The following TESMIN variants were observed in gnomAD, a reference collection of about 807,000 sequenced individuals.
TESMIN encodes the protein testis expressed metallothionein like protein, also known as CXC domain containing 2.
A neutral mutation model predicts 47.4 loss-of-function variants in TESMIN; 34 were observed. That is an observed-to-expected ratio of 0.72 (90% confidence interval 0.55 to 0.96). The LOEUF is 0.96. TESMIN is among the 40% of genes least tolerant of loss of function. The probability of loss-of-function intolerance (pLI) is 0.00; values close to 1 mark genes in which losing one functional copy is unlikely to be tolerated. For synonymous variants in TESMIN, 278 were observed against 258.9 expected, an observed-to-expected ratio of 1.07 and a Z score of -0.71; for missense variants, 610 against 637.2, an observed-to-expected ratio of 0.96 and a Z score of 0.46.
chr11:68,750,691 G>T lies in TESMIN; in HGVS notation c.-31C>A, dbSNP rs1235379414. The T allele has an allele frequency of 4.2e-6, 6 of 1,430,568 alleles. No homozygotes were observed. Among genetic ancestry groups the T allele is most frequent in the Non-Finnish European group, 5.5e-6 (6 of 1,084,954 alleles). The allele number at this position is 1,430,568 out of a possible 1,614,324, so 88.6% of individuals were successfully genotyped here. On this transcript the variant is annotated 5_prime_UTR_variant, in exon 2 of 10. Transcript: ENST00000255087. ...AGGGCGGCGGGGCGGGATGGCGGGG[G>T]CCGCGCACCTGCAACACGCGGCCAG...
intron 9 of TESMIN, 118 bp downstream of exon 9, chr11:68,710,756 A>T: frequency 9.6e-7 from 1 of 1,044,996 alleles, no homozygotes. Flanking sequence ...TCTGCCCCCA[A>T]ACACACGCCC....
At chr11:68,715,784 TCAAA>T in intron 7 of TESMIN, 49 bp downstream of exon 7, 1 of 1,313,568 alleles carries the variant, frequency 7.6e-7, no homozygotes, top group South Asian at 1.3e-5. Context: ...TATGAACATC[TCAAA>T]CAGTTTGAAA....
chr11:68,744,966 T>C (rs1946499970), intron 4 of TESMIN, 25 bp downstream of exon 4: 1 of 1,501,026 alleles, frequency 6.7e-7, no homozygotes, highest in Admixed American at 2.4e-5. Context: ...TATGACATAG[T>C]TTTTTTTATT....
intron 6 of TESMIN, among the ~76,000 whole-genome samples, chr11:68,730,796 CAA>C (rs111323065): frequency 9.7e-4 from 94 of 96,868 alleles, no homozygotes; most frequent in African/African-American, 1.9e-3. Context: ...GACTTTGTCT[CAA>C]AAAAAAAAAA....
chr11:68,736,097 A>T, intron 6 of TESMIN: 1 of 985,234 alleles, frequency 1.0e-6, no homozygotes, highest in Non-Finnish European at 1.2e-6. Flanking sequence ...CAACAAGATA[A>T]CCTCATCTTT....
intron 8 of TESMIN, among the ~76,000 whole-genome samples, chr11:68,711,469 T>G (rs927508284): frequency 6.6e-6 from 1 of 151,736 alleles, no homozygotes; most frequent in Non-Finnish European, 1.5e-5. Context: ...GACCTGCAGT[T>G]TTCATCAAGT....
intron 6 of TESMIN, among the ~76,000 whole-genome samples, chr11:68,728,392 G>A (rs1321647212): frequency 6.6e-6 from 1 of 152,216 alleles, no homozygotes; most frequent in Non-Finnish European, 1.5e-5. Flanking sequence ...AGGTGAGGAA[G>A]CTGTACATCA....
chr11:68,737,337 C>A (rs1381946983), intron 6 of TESMIN: 1 of 985,412 alleles, frequency 1.0e-6, no homozygotes. Flanking sequence ...GCTGAAAGAG[C>A]CACTGCAGAA....
chr11:68,711,401 ATGTGTGTGTGAC>A (rs917512713), intron 8 of TESMIN, among the ~76,000 whole-genome samples: 3 of 146,464 alleles, frequency 2.0e-5, no homozygotes, highest in African/African-American at 7.6e-5. Context: ...GTGAATGTGA[ATGTGTGTGTGAC>A]TGTGTGTGTT....
Position 68,750,252 on chromosome 11 carries a change from C to A in TESMIN, c.409G>T (p.Val137Leu). The change falls in exon 2 of 10, where the codon GTG (valine) becomes TTG (leucine). Residue 137 changes from valine (V) to leucine (L), a missense_variant. Physicochemically the swap from Val to Leu is conservative, Grantham distance 32 (BLOSUM62 1). Transcript: ENST00000255087. ...AGGACCCAGGCGCCCAGGGGCAACA[C>A]CGCCGGGCTGCGGTGCGCGGGTAGC... is the stretch of plus-strand genomic sequence containing the variant. ...SLLPAHRSPAVLPLGAWVLEG... is the reference protein window; with the variant it reads ...SLLPAHRSPALLPLGAWVLEG... The A allele has an allele frequency of 6.5e-7, 1 of 1,539,972 alleles. No individual in the cohort carries two copies. Among genetic ancestry groups the A allele is most frequent in the East Asian group, 2.4e-5 (1 of 41,254 alleles).
chr11:68,738,061 AATGT>A (rs1946408877), intron 6 of TESMIN: 1 of 985,654 alleles, frequency 1.0e-6, no homozygotes, highest in African/African-American at 1.7e-5. Context: ...TTAATACATA[AATGT>A]TAACCTGATA....
At chr11:68,706,889 C>A (rs1426173959), downstream of TESMIN, among the ~76,000 whole-genome samples, 1 of 152,178 alleles carries the variant, frequency 6.6e-6, no homozygotes, top group Non-Finnish European at 1.5e-5. Context: ...GAGGCAGCCC[C>A]CCCAGAGGCA....
At chr11:68,719,921 G>A (rs747625531) in intron 6 of TESMIN, among the ~76,000 whole-genome samples, 6 of 152,172 alleles carry the variant, frequency 3.9e-5, no homozygotes, top group Admixed American at 1.3e-4. Flanking sequence ...GGATATCTGT[G>A]AGTTTTCCGG....
At chr11:68,714,507 T>G (rs568736125) in intron 7 of TESMIN, among the ~76,000 whole-genome samples, 8 of 152,360 alleles carry the variant, frequency 5.3e-5, no homozygotes, top group African/African-American at 1.7e-4. Flanking sequence ...GCTTTAGGTT[T>G]GCCTATGCTG....
Position 68,707,449 on chromosome 11 carries a change from T to G in TESMIN, c.*859A>C. The stretch of plus-strand genomic sequence containing the variant: ...AAGTTAATGACAACAATTGAAGACA[T>G]TGGAAATTTTTATTCATCTTTGCTT... On this transcript the variant is annotated 3_prime_UTR_variant, in exon 10 of 10. Transcript: ENST00000255087. The G allele has an allele frequency of 5.7e-6, 1 of 176,886 alleles. No homozygotes were observed. The allele number at this position is 176,886 out of a possible 1,614,324, so 11.0% of individuals were successfully genotyped here.
Position 68,750,719 on chromosome 11 carries a change from G to T in TESMIN, c.-39-20C>A. 7.8e-7 allele frequency: 1 copy of T among 1,277,162 alleles called. No homozygotes were observed. The highest frequency in any genetic ancestry group is 1.0e-6 in the Non-Finnish European group (1 of 967,546). The allele number at this position is 1,277,162 out of a possible 1,614,324, so 79.1% of individuals were successfully genotyped here. ...GCGCACCTGCAACACGCGGCCAGGT[G>T]AGAGGCAGCCAGAGGAGAGGACGAG... is the stretch of plus-strand genomic sequence containing the variant. On this transcript the variant is annotated intron_variant, in intron 1 of 9. Coordinates refer to ENST00000255087, the MANE Select transcript of TESMIN (RefSeq NM_004923.3).
Position 68,746,969 on chromosome 11 carries a change from T to C in TESMIN, c.630+239A>G, listed in dbSNP as rs573780311. 5.3e-5 allele frequency among the ~76,000 whole-genome samples: 8 copies of C among 152,318 alleles called. No homozygotes were observed. In the South Asian group the frequency reaches 1.7e-3, roughly 32 times the overall value. ...CTGATGTGATTTGTGCTTGCTCTCC[T>C]TAATGAATACAGCAATGTCCTCATC... On this transcript the variant is annotated intron_variant, in intron 3 of 9. Coordinates refer to ENST00000255087, the MANE Select transcript of TESMIN (RefSeq NM_004923.3).
intron 6 of TESMIN, among the ~76,000 whole-genome samples, chr11:68,735,664 A>G (rs1946379023): frequency 6.6e-6 from 1 of 152,248 alleles, no homozygotes; most frequent in Non-Finnish European, 1.5e-5. Flanking sequence ...GACTGTGCAC[A>G]TGGTGCCATA....
intron 6 of TESMIN, among the ~76,000 whole-genome samples, chr11:68,722,419 G>A (rs912190240): frequency 6.6e-6 from 1 of 152,098 alleles, no homozygotes; most frequent in Admixed American, 6.6e-5. Flanking sequence ...TAAATTTTAT[G>A]TTATGCATAT....
Sources: allele counts gnomAD v4.1 joint callset (sites outside exome capture counted in the v4.1 genomes callset), GRCh38; gene constraint gnomAD v4.1.1; transcripts MANE v1.5; gene names NCBI Gene and HGNC (gene_info 2026-07-23, HGNC 2026-07-21).